INPP4B: variants seen among roughly 807,000 people sequenced by gnomAD.
The protein encoded by INPP4B is inositol polyphosphate-4-phosphatase type II B.
A neutral mutation model predicts 122.5 loss-of-function variants in INPP4B; 55 were observed. The observed-to-expected ratio is 0.45, with a 90% confidence interval of 0.36 to 0.56. The LOEUF is 0.56. Among genes scored for constraint, INPP4B ranks in the 20% least tolerant of loss-of-function variants. INPP4B has a pLI of 0.00. For synonymous variants in INPP4B, 403 were observed against 388.7 expected (o/e 1.04, Z -0.43); for missense variants, 1,000 against 1,097.7 (o/e 0.91, Z 1.26).
chr4:142,524,302 A>C (rs1826529826), intron 2 of INPP4B, among the ~76,000 whole-genome samples: 1 of 152,034 alleles, frequency 6.6e-6, no homozygotes, highest in Non-Finnish European at 1.5e-5. Flanking sequence ...ATTTCTCCAC[A>C]TCCTCTCCAG....
intron 12 of INPP4B, among the ~76,000 whole-genome samples, chr4:142,210,743 G>A (rs1907140): frequency 1 from 152,306 of 152,326 alleles, 76,143 homozygotes; most frequent in Non-Finnish European, 1. Flanking sequence ...TTTTTATTTA[G>A]TACTAATAGA....
chr4:142,520,183 T>C (rs1184512322), intron 2 of INPP4B, among the ~76,000 whole-genome samples: 1 of 152,000 alleles, frequency 6.6e-6, no homozygotes, highest in Non-Finnish European at 1.5e-5. Context: ...AAATAAAATT[T>C]ATAAAAAATG....
chr4:142,817,903 T>C (rs989703143), intron 1 of INPP4B, among the ~76,000 whole-genome samples: 3 of 152,152 alleles, frequency 2.0e-5, no homozygotes, highest in Non-Finnish European at 4.4e-5. Context: ...AATTGGGACT[T>C]CTTAGATAAA....
intron 2 of INPP4B, among the ~76,000 whole-genome samples, chr4:142,571,018 C>T (rs1323775970): frequency 6.7e-6 from 1 of 149,664 alleles, no homozygotes; most frequent in East Asian, 2.0e-4. Flanking sequence ...ACCCCTACCT[C>T]ATGAAATTAC....
At chr4:142,700,715 GATTATA>G (rs1356139206) in intron 2 of INPP4B, among the ~76,000 whole-genome samples, 1 of 151,808 alleles carries the variant, frequency 6.6e-6, no homozygotes, top group Non-Finnish European at 1.5e-5. Context: ...TCCTATCTCA[GATTATA>G]ATCTTTTCTT....
rs545051906 is a variant in INPP4B at position 142,596,307 on chromosome 4, T to C, written c.-191+129532A>G. Among the ~76,000 whole-genome samples, 4 of 152,250 alleles carry C rather than the reference T, an allele frequency of 2.6e-5. No homozygotes were observed. In the South Asian group the frequency reaches 8.3e-4, roughly 32 times the overall value. On this transcript the variant is annotated intron_variant, in intron 2 of 25. Transcript: ENST00000262992. ...GGCCAGAAACATGTGGAGGAAGTGA[T>C]ATTATGTGATGTTTGGGACCTAGGC...
intron 2 of INPP4B, among the ~76,000 whole-genome samples, chr4:142,562,706 GA>G (rs894680184): frequency 8.2e-4 from 123 of 149,674 alleles, no homozygotes; most frequent in Non-Finnish European, 1.2e-3. Flanking sequence ...GAATCTATAA[GA>G]AAAAAAAATA....
intron 11 of INPP4B, among the ~76,000 whole-genome samples, chr4:142,251,156 T>C (rs1228782036): frequency 6.6e-6 from 1 of 152,140 alleles, no homozygotes; most frequent in African/African-American, 2.4e-5. Flanking sequence ...TGTTTCTCTT[T>C]CTCCTTGAAA....
chr4:142,260,459 A>T (rs1255959875), intron 11 of INPP4B, 33 bp downstream of exon 11: 1 of 1,273,032 alleles, frequency 7.9e-7, no homozygotes, highest in Non-Finnish European at 1.1e-6. Flanking sequence ...TCATTTTTGC[A>T]TGAAACTAAG....
At chr4:142,039,642 T>G (rs1263586722) in intron 25 of INPP4B, among the ~76,000 whole-genome samples, 1 of 151,686 alleles carries the variant, frequency 6.6e-6, no homozygotes. Flanking sequence ...GAGTTGAGAG[T>G]ATAATTGCTT....
chr4:142,205,716 A>T (rs1470957332), intron 14 of INPP4B, among the ~76,000 whole-genome samples: 1 of 152,192 alleles, frequency 6.6e-6, no homozygotes, highest in Non-Finnish European at 1.5e-5. Context: ...ATTCAAGCCC[A>T]GGGCTGTTAC....
intron 25 of INPP4B, among the ~76,000 whole-genome samples, chr4:142,033,080 A>C (rs1191818500): frequency 1.3e-5 from 2 of 152,210 alleles, no homozygotes; most frequent in Non-Finnish European, 2.9e-5. Context: ...TGGAAAAGAA[A>C]AAGAAAAGGA....
intron 11 of INPP4B, among the ~76,000 whole-genome samples, chr4:142,244,010 C>T (rs1310134476): frequency 1.3e-5 from 2 of 151,818 alleles, no homozygotes; most frequent in African/African-American, 4.8e-5. Flanking sequence ...TTGCTGCACC[C>T]ATCAACAAGT....
intron 3 of INPP4B, among the ~76,000 whole-genome samples, chr4:142,442,491 G>A (rs1375097410): frequency 2.0e-5 from 3 of 151,372 alleles, no homozygotes; most frequent in Non-Finnish European, 4.4e-5. Flanking sequence ...TAAATGTTCT[G>A]TGGGCAAAAG....
intron 2 of INPP4B, among the ~76,000 whole-genome samples, chr4:142,574,528 T>C (rs1213372189): frequency 5.3e-5 from 8 of 152,070 alleles, no homozygotes; most frequent in African/African-American, 1.9e-4. Flanking sequence ...CAGAGAAAGT[T>C]ACTTGAAGCT....
At chr4:142,394,058 T>C (rs1481409720) in intron 7 of INPP4B, among the ~76,000 whole-genome samples, 1 of 152,208 alleles carries the variant, frequency 6.6e-6, no homozygotes, top group East Asian at 1.9e-4. Context: ...GAAACCGCCA[T>C]AGTGTTTTTC....
chr4:142,123,541 A>T, intron 19 of INPP4B, 126 bp from the exon 20 acceptor site: 1 of 847,682 alleles, frequency 1.2e-6, no homozygotes, highest in South Asian at 1.9e-5. Flanking sequence ...AACTACAACT[A>T]TTTGGTAGGC....
chr4:142,498,149 ATGTG>A lies in INPP4B; in HGVS notation c.-190-35427_-190-35424del, dbSNP rs1297239222. The stretch of plus-strand genomic sequence containing the variant: ...CACACACATATATGTATACATACAT[ATGTG>A]TATACATATATATGTATGTATACAT... On this transcript the variant is annotated intron_variant, in intron 2 of 25. Transcript: ENST00000262992. Among the ~76,000 whole-genome samples, 1,006 of 150,870 alleles carry A rather than the reference ATGTG, an allele frequency of 6.7e-3. 14 individuals are homozygous for A. The highest frequency in any genetic ancestry group is 0.023 in the African/African-American group (955 of 41,072).
intron 2 of INPP4B, among the ~76,000 whole-genome samples, chr4:142,679,774 T>C (rs113103068): frequency 7.9e-5 from 12 of 151,652 alleles, no homozygotes; most frequent in Admixed American, 2.6e-4. Flanking sequence ...TTATATGAGA[T>C]TCAATGCTTA....
Sources: gnomAD v4.1 joint callset for allele counts (sites outside exome capture counted in the v4.1 genomes callset) on GRCh38, gnomAD v4.1.1 for gene constraint, MANE v1.5 for transcripts, NCBI Gene and HGNC (gene_info 2026-07-23, HGNC 2026-07-21) for gene names.